Variants in NLRC5 observed in about 807,000 individuals in gnomAD.
The protein encoded by NLRC5 is NLR family CARD domain containing 5, also known as protein NLRC5.
In NLRC5, 114 loss-of-function variants were observed where a neutral mutation model predicts 206.9. The ratio of observed to expected loss-of-function variants is 0.55; its 90% CI spans 0.47 to 0.64. The LOEUF (loss-of-function observed/expected upper bound fraction) is 0.64, where lower values mean the gene tolerates loss of function less well. Among genes scored for constraint, NLRC5 ranks in the 30% least tolerant of loss-of-function variants. The pLI is 0.00. For synonymous variants in NLRC5, 952 were observed against 962.8 expected (o/e 0.99, Z 0.21); for missense variants, 2,008 against 2,305.5 (o/e 0.87, Z 2.64).
intron 1 of NLRC5, among the ~76,000 whole-genome samples, chr16:57,000,391 G>A (rs1185437854): frequency 1.3e-5 from 2 of 152,202 alleles, no homozygotes. Context: ...AGTGATGTGG[G>A]CTGGGACCCA....
chr16:57,002,802 G>A (rs552410104), intron 1 of NLRC5, among the ~76,000 whole-genome samples: 10 of 151,872 alleles, frequency 6.6e-5, no homozygotes, highest in African/African-American at 2.2e-4. Flanking sequence ...GCGCCACTAC[G>A]CCCAGCTAAT....
chr16:57,061,079 T>C (rs1015313459), intron 30 of NLRC5, among the ~76,000 whole-genome samples: 3 of 152,256 alleles, frequency 2.0e-5, no homozygotes, highest in Non-Finnish European at 2.9e-5. Flanking sequence ...TTCTTTCTTA[T>C]CTGCTGTGTG....
At position 57,067,388 on chromosome 16, in the gene NLRC5, T is replaced by C; in HGVS notation, c.4324T>C (p.Leu1442=). The change falls in exon 35 of 49, where the codon TTG becomes CTG. Residue 1442 remains leucine (L), a splice_region_variant and synonymous_variant. Transcript: ENST00000688547. ...TGTCGTCTCCCTGTCTGTGTCCAGG[T>C]TGGCTCACTGTGACCTTGGAGCCCA... is the stretch of plus-strand genomic sequence containing the variant. The part of the protein sequence containing the change: ...EENPEAVALR[L]AHCDLGAHHS... 1 of 1,614,184 alleles carries C rather than the reference T, an allele frequency of 6.2e-7. No homozygotes were observed. The highest frequency in any genetic ancestry group is 8.5e-7 in the Non-Finnish European group (1 of 1,179,984).
chr16:57,031,253 CTT>C (rs2061850230), intron 10 of NLRC5, 149 bp from the exon 11 acceptor site: 2 of 733,432 alleles, frequency 2.7e-6, no homozygotes, highest in African/African-American at 3.5e-5. Context: ...ATTTAAAACA[CTT>C]TTGCTAGTTC....
At chr16:57,053,832 A>G (rs1198805528) in intron 24 of NLRC5, among the ~76,000 whole-genome samples, 1 of 152,136 alleles carries the variant, frequency 6.6e-6, no homozygotes. Context: ...CCCGTTCCTC[A>G]TTTGGGTTTT....
intron 23 of NLRC5, among the ~76,000 whole-genome samples, chr16:57,048,928 G>A (rs1290434001): frequency 6.6e-6 from 1 of 152,126 alleles, no homozygotes; most frequent in African/African-American, 2.4e-5. Flanking sequence ...ATATACTGAT[G>A]CCTTTTAATA....
chr16:57,074,728 T>C (rs1277411666), intron 39 of NLRC5, 45 bp downstream of exon 39: 8 of 1,564,130 alleles, frequency 5.1e-6, no homozygotes, highest in Non-Finnish European at 7.0e-6. Flanking sequence ...GAAGAAACAC[T>C]TCCCACTCAG....
intron 5 of NLRC5, 76 bp downstream of exon 5, chr16:57,023,929 T>A (rs74023644): frequency 0.038 from 52,077 of 1,356,948 alleles, 1,375 homozygotes; most frequent in Middle Eastern, 0.09. Flanking sequence ...CCCTGGACCT[T>A]GTCCCCTGCC....
intron 27 of NLRC5, among the ~76,000 whole-genome samples, 200 bp from the exon 28 acceptor site, chr16:57,057,865 G>T (rs1227344102): frequency 6.6e-6 from 1 of 152,136 alleles, no homozygotes; most frequent in Admixed American, 6.6e-5. Context: ...TGGTGGTGAT[G>T]GTGGTAATAC....
intron 11 of NLRC5, among the ~76,000 whole-genome samples, chr16:57,032,009 C>T (rs377346200): frequency 6.6e-5 from 10 of 152,036 alleles, no homozygotes; most frequent in African/African-American, 2.4e-4. Flanking sequence ...CTCTACCACA[C>T]TTTGCTCTCC....
At chr16:57,045,301 A>G in intron 20 of NLRC5, 147 bp from the exon 21 acceptor site, 1 of 660,690 alleles carries the variant, frequency 1.5e-6, no homozygotes, top group Non-Finnish European at 2.8e-6. Context: ...GACTTGATAC[A>G]TGTAATTGTT....
chr16:57,062,073 T>C, intron 32 of NLRC5: 1 of 1,276,012 alleles, frequency 7.8e-7, no homozygotes, highest in Non-Finnish European at 1.0e-6. Flanking sequence ...AAAGAATAAT[T>C]TTTTAAAACT....
In NLRC5 at chr16:57,041,577, G is replaced by A. The variant is rs2063292268; in HGVS notation, c.3029+3G>A. Reference sequence around the variant, plus strand: ...CACCTCGGTCACCTCCACCTCGAGTGAGTGGTTTGTGTGTTGGAAGGTGGG... The same window carrying A: ...CACCTCGGTCACCTCCACCTCGAGTAAGTGGTTTGTGTGTTGGAAGGTGGG... On this transcript the variant is annotated splice_donor_region_variant and intron_variant, in intron 18 of 48. Transcript: ENST00000688547. 2.5e-6 allele frequency: 4 copies of A among 1,613,680 alleles called. No individual in the cohort carries two copies. The highest frequency in any genetic ancestry group is 1.6e-4 in the Middle Eastern group (1 of 6,062).
intron 17 of NLRC5, 153 bp from the exon 18 acceptor site, chr16:57,041,332 C>T (rs564753945): frequency 5.7e-5 from 35 of 618,698 alleles, no homozygotes; most frequent in East Asian, 3.9e-4. Context: ...GTGTTGGTCC[C>T]TCTTTGTCCG....
chr16:57,040,045 C>T (rs2063090190), intron 16 of NLRC5, among the ~76,000 whole-genome samples, 196 bp downstream of exon 16: 1 of 152,232 alleles, frequency 6.6e-6, no homozygotes, highest in Non-Finnish European at 1.5e-5. Flanking sequence ...CTCCGCCTCT[C>T]ATGGTGCCTG....
chr16:57,040,875 C>T (rs1420167547), intron 17 of NLRC5, among the ~76,000 whole-genome samples, 157 bp downstream of exon 17: 1 of 152,144 alleles, frequency 6.6e-6, no homozygotes, highest in African/African-American at 2.4e-5. Context: ...CTACCTCCTA[C>T]CTCCCCTGCC....
At chr16:57,076,256 A>G (rs2068384363) in intron 39 of NLRC5, among the ~76,000 whole-genome samples, 1 of 152,212 alleles carries the variant, frequency 6.6e-6, no homozygotes, top group Non-Finnish European at 1.5e-5. Flanking sequence ...AGTAAAAACA[A>G]CATGCAAACA....
chr16:57,059,590 T>G, intron 30 of NLRC5, 58 bp downstream of exon 30: 1 of 1,476,324 alleles, frequency 6.8e-7, no homozygotes, highest in Non-Finnish European at 9.2e-7. Context: ...GCTGACCCTA[T>G]GGCGGCCTCC....
chr16:57,009,409 T>C (rs1241109066), intron 1 of NLRC5, among the ~76,000 whole-genome samples: 1 of 152,038 alleles, frequency 6.6e-6, no homozygotes, highest in Non-Finnish European at 1.5e-5. Flanking sequence ...CTGGCTGACA[T>C]GGTGAAACCC....
Sources: allele counts gnomAD v4.1 joint callset (sites outside exome capture counted in the v4.1 genomes callset), GRCh38; gene constraint gnomAD v4.1.1; transcripts MANE v1.5; gene names NCBI Gene and HGNC (gene_info 2026-07-23, HGNC 2026-07-21).